The following CHEK1 variants were observed in gnomAD, a reference collection of about 807,000 sequenced individuals.
CHEK1 encodes the protein checkpoint kinase 1.
In CHEK1, 32 loss-of-function variants were observed where a neutral mutation model predicts 60.2. The observed-to-expected ratio is 0.53, with a 90% CI of 0.40 to 0.71. CHEK1 has a LOEUF of 0.71. Among genes scored for constraint, CHEK1 ranks in the 30% least tolerant of loss-of-function variants. CHEK1 has a pLI of 0.00. For missense variants in CHEK1, 399 were observed against 564.6 expected (o/e 0.71, Z 2.97); for synonymous variants, 179 against 187.2 (o/e 0.96, Z 0.36).
At chr11:125,640,337 C>A (rs903023663) in intron 8 of CHEK1, among the ~76,000 whole-genome samples, 3 of 151,920 alleles carry the variant, frequency 2.0e-5, no homozygotes, top group Admixed American at 1.3e-4. Context: ...GTCAGGAGAT[C>A]GAGACCATCC....
rs1272640945 is a variant in CHEK1, at chr11:125,625,702, C to T, written c.-331C>T. 6 of 637,928 alleles carry T rather than the reference C, an allele frequency of 9.4e-6. No homozygotes were observed. The highest frequency in any genetic ancestry group is 1.7e-5 in the Non-Finnish European group (6 of 347,600). 39.5% of individuals were successfully genotyped at this position (637,928 alleles called of 1,614,324 possible). On this transcript the variant is annotated 5_prime_UTR_variant, in exon 1 of 13. Coordinates refer to ENST00000438015, the MANE Select transcript of CHEK1 (RefSeq NM_001114122.3). ...CCCCCAGCAGCGCTCGAGCACCGCC[C>T]AGTCGAGCCTCACACCGGATGCCAC...
chr11:125,625,692 G>C lies in CHEK1; in HGVS notation c.-341G>C, dbSNP rs547340144. On this transcript the variant is annotated 5_prime_UTR_variant, in exon 1 of 13. Transcript: ENST00000438015. ...GCCTGGGCTTCCCCCAGCAGCGCTC[G>C]AGCACCGCCCAGTCGAGCCTCACAC... is the stretch of plus-strand genomic sequence containing the variant. The C allele has an allele frequency of 2.2e-5, 14 of 628,128 alleles. No homozygotes were observed. Among genetic ancestry groups the C allele is most frequent in the Middle Eastern group, 7.7e-4 (2 of 2,584 alleles). The allele number at this position is 628,128 out of a possible 1,614,324, so 38.9% of individuals were successfully genotyped here.
chr11:125,640,306 C>T (rs1340350651), intron 8 of CHEK1, among the ~76,000 whole-genome samples: 1 of 152,068 alleles, frequency 6.6e-6, no homozygotes, highest in Non-Finnish European at 1.5e-5. Flanking sequence ...CTTTGGGAGG[C>T]CAAGGCGGGC....
intron 11 of CHEK1, among the ~76,000 whole-genome samples, chr11:125,647,038 C>G (rs1941531265): frequency 6.6e-6 from 1 of 152,036 alleles, no homozygotes; most frequent in Non-Finnish European, 1.5e-5. Context: ...GAAACTGTTG[C>G]CTGATGTAAG....
rs1444098316 is a variant in CHEK1 at position 125,625,551 on chromosome 11, C to T, written c.-482C>T. 1.2e-5 allele frequency: 7 copies of T among 586,358 alleles called. No homozygotes were observed. The highest frequency in any genetic ancestry group is 2.1e-5 in the Non-Finnish European group (7 of 328,232). 36.3% of individuals were successfully genotyped at this position (586,358 alleles called of 1,614,324 possible). The stretch of plus-strand genomic sequence containing the variant: ...CGACTGTGATCCTCACAGTCCTGTC[C>T]GGTGGCCTCACGCAGGTGGCGGTGC... On this transcript the variant is annotated 5_prime_UTR_variant, in exon 1 of 13. Coordinates refer to ENST00000438015, the MANE Select transcript of CHEK1 (RefSeq NM_001114122.3).
At chr11:125,668,994 T>C (rs1001156377) in intron 13 of CHEK1, among the ~76,000 whole-genome samples, 2 of 152,192 alleles carry the variant, frequency 1.3e-5, no homozygotes, top group Admixed American at 1.3e-4. Flanking sequence ...TTCAAAAGTA[T>C]AGGTCCACTT....
chr11:125,641,384 A>G (rs1009495709), intron 8 of CHEK1, among the ~76,000 whole-genome samples: 4 of 151,900 alleles, frequency 2.6e-5, no homozygotes, highest in Admixed American at 1.3e-4. Context: ...GGCTGAATCT[A>G]TGGATCTCCT....
rs59629339 is a variant in CHEK1 at position 125,634,015 on chromosome 11, T to TTTTC, written c.613+664_613+665insTTTC. Among the ~76,000 whole-genome samples, 4 of 150,738 alleles carry TTTTC rather than the reference T, an allele frequency of 2.7e-5. No individual in the cohort carries two copies. The South Asian group carries it at 8.4e-4, about 32-fold the overall frequency. On this transcript the variant is annotated intron_variant, in intron 6 of 12. Coordinates refer to ENST00000438015, the MANE Select transcript of CHEK1 (RefSeq NM_001114122.3). ...CTATTGTGGTTTTTTTTTTTTTTTT[T>TTTTC]AGACCAGAGTCTTGCTCTGTCACCC...
rs1045494271 is a variant in CHEK1, at chr11:125,630,462, C to T, written c.424+1002C>T. On this transcript the variant is annotated intron_variant, in intron 5 of 12. Coordinates refer to ENST00000438015, the MANE Select transcript of CHEK1 (RefSeq NM_001114122.3). The stretch of plus-strand genomic sequence containing the variant: ...AGTAGCTGGGATTACAAGCCTGAGT[C>T]ACCACACCTGGCTCATTTTTATATT... 1.7e-4 allele frequency among the ~76,000 whole-genome samples: 26 copies of T among 151,892 alleles called. 1 individual carries two copies. The highest frequency in any genetic ancestry group is 6.6e-5 in the Admixed American group (1 of 15,252).
At chr11:125,643,500 G>T (rs1191540522) in intron 8 of CHEK1, 3 of 184,252 alleles carry the variant, frequency 1.6e-5, no homozygotes, top group Non-Finnish European at 3.2e-5. Flanking sequence ...CTCAAAAAAA[G>T]AAAAAAAAAA....
rs879611489 is a variant in CHEK1 at position 125,625,945 on chromosome 11, C to A, written c.-88C>A. 4.3e-6 allele frequency: 3 copies of A among 702,616 alleles called. No individual in the cohort carries two copies. The highest frequency in any genetic ancestry group is 2.6e-6 in the Non-Finnish European group (1 of 385,002). The allele number at this position is 702,616 out of a possible 1,614,324, so 43.5% of individuals were successfully genotyped here. A position where few individuals can be genotyped will look rare whatever the true frequency, so the allele number is the denominator to read the frequency against. ...GGTGCGCGAGTTTGCGGCAGCGTGA[C>A]GCCCTCAAGTTTTGGCGGGAAAAGC... On this transcript the variant is annotated 5_prime_UTR_variant, in exon 1 of 13. Coordinates refer to ENST00000438015, the MANE Select transcript of CHEK1 (RefSeq NM_001114122.3).
intron 13 of CHEK1, chr11:125,672,309 A>T: frequency 3.6e-6 from 1 of 280,692 alleles, no homozygotes; most frequent in South Asian, 8.2e-5. Flanking sequence ...TAATGGGGGA[A>T]AAAAAGGTCT....
At chr11:125,677,896 C>G (rs759259941), downstream of CHEK1, 88 of 1,614,014 alleles carry the variant, frequency 5.5e-5, no homozygotes, top group Middle Eastern at 8.2e-4. Context: ...GAAGGCTGTT[C>G]ACCGGAGCCA....
At chr11:125,636,117 G>A (rs917638889) in intron 7 of CHEK1, 1 of 152,086 alleles carries the variant, frequency 6.6e-6, no homozygotes, top group South Asian at 2.1e-4. Context: ...TCTGTTATAC[G>A]TGTGGTCCAT....
chr11:125,677,820 G>A, downstream of CHEK1: 2 of 1,614,104 alleles, frequency 1.2e-6, no homozygotes, highest in East Asian at 4.5e-5. Context: ...TGAAATTGGT[G>A]CACCTGAAGC....
chr11:125,658,905 C>T (rs915102599), downstream of CHEK1, among the ~76,000 whole-genome samples: 3 of 151,894 alleles, frequency 2.0e-5, no homozygotes, highest in Non-Finnish European at 4.4e-5. Flanking sequence ...AGGCTGGTTT[C>T]GAATGCCTGG....
intron 13 of CHEK1, chr11:125,671,408 T>C (rs1942200198): frequency 6.6e-6 from 1 of 152,216 alleles, no homozygotes; most frequent in Admixed American, 6.5e-5. Context: ...TCTAGGGGTA[T>C]GAGTATAAGT....
chr11:125,678,098 A>G (rs781660224), downstream of CHEK1: 2 of 1,614,220 alleles, frequency 1.2e-6, no homozygotes, highest in South Asian at 2.2e-5. Context: ...GTTCTCCAGA[A>G]GTGTGCTCGG....
At chr11:125,636,004 T>C (rs1358148138) in intron 7 of CHEK1, 3 of 152,456 alleles carry the variant, frequency 2.0e-5, no homozygotes, top group African/African-American at 7.2e-5. Context: ...GTACAGCATG[T>C]TACTATACTG....
Sources: gnomAD v4.1 joint callset for allele counts (sites outside exome capture counted in the v4.1 genomes callset) on GRCh38, gnomAD v4.1.1 for gene constraint, MANE v1.5 for transcripts, NCBI Gene and HGNC (gene_info 2026-07-23, HGNC 2026-07-21) for gene names.